The following KLHDC1 variants were observed in gnomAD, a reference collection of about 807,000 sequenced individuals.
KLHDC1 encodes kelch domain containing 1, also known as kelch domain-containing protein 1.
Under a neutral mutation model 68.3 loss-of-function variants are expected in KLHDC1, and 53 were observed. The observed-to-expected ratio is 0.78, with a 90% CI of 0.62 to 0.98. The LOEUF (loss-of-function observed/expected upper bound fraction) is 0.98. KLHDC1 is among the 50% of genes least tolerant of loss of function. The pLI, the probability that KLHDC1 is intolerant of heterozygous loss-of-function variation, is 0.00. For synonymous variants in KLHDC1, 148 were observed against 159.0 expected (o/e 0.93, Z 0.52); for missense variants, 470 against 492.3 (o/e 0.95, Z 0.43).
At chr14:49,710,456 C>A in intron 4 of KLHDC1, 75 bp downstream of exon 4, 1 of 768,396 alleles carries the variant, frequency 1.3e-6, no homozygotes, top group Non-Finnish European at 2.2e-6. Context: ...ATACAGAATG[C>A]TTAAAGGTAT....
At chr14:49,713,827 TATATATA>T (rs1566602839) in intron 4 of KLHDC1, among the ~76,000 whole-genome samples, 136 of 6,246 alleles carry the variant, frequency 0.022, 23 homozygotes, top group East Asian at 0.043. Context: ...TATATATATA[TATATATA>T]TATATATATA....
intron 7 of KLHDC1, among the ~76,000 whole-genome samples, 190 bp from the exon 8 acceptor site, chr14:49,729,300 C>T (rs1036125450): frequency 4.6e-5 from 7 of 151,976 alleles, no homozygotes; most frequent in Non-Finnish European, 1.0e-4. Context: ...TTTTCCTTTC[C>T]CCTTTGACAC....
At chr14:49,732,393 G>A (rs972391409) in intron 8 of KLHDC1, among the ~76,000 whole-genome samples, 1 of 151,952 alleles carries the variant, frequency 6.6e-6, no homozygotes, top group Non-Finnish European at 1.5e-5. Flanking sequence ...GTCTGGTCTC[G>A]AACTCCTGAG....
intron 1 of KLHDC1, among the ~76,000 whole-genome samples, chr14:49,698,924 G>A (rs1887820608): frequency 6.6e-6 from 1 of 151,592 alleles, no homozygotes; most frequent in African/African-American, 2.4e-5. Flanking sequence ...CCAGCACTTT[G>A]GAGGCCGAGG....
At chr14:49,739,897 A>C (rs552478799) in intron 10 of KLHDC1, among the ~76,000 whole-genome samples, 2 of 152,286 alleles carry the variant, frequency 1.3e-5, no homozygotes, top group Non-Finnish European at 2.9e-5. Context: ...ACAGAGAGAG[A>C]GTCATCTCTT....
intron 1 of KLHDC1, among the ~76,000 whole-genome samples, chr14:49,699,465 A>G (rs1346753457): frequency 6.6e-6 from 1 of 152,042 alleles, no homozygotes; most frequent in Non-Finnish European, 1.5e-5. Flanking sequence ...GAGAAAAAGT[A>G]GAATTCTTCT....
chr14:49,734,554 C>G, intron 9 of KLHDC1, 35 bp from the exon 10 acceptor site: 1 of 1,278,572 alleles, frequency 7.8e-7, no homozygotes, highest in East Asian at 2.5e-5. Flanking sequence ...TCCCAGAGAC[C>G]TAATCTTAAT....
chr14:49,713,086 A>G (rs1195483639), intron 4 of KLHDC1, among the ~76,000 whole-genome samples: 2 of 151,632 alleles, frequency 1.3e-5, no homozygotes, highest in East Asian at 3.9e-4. Context: ...AGTAGCTGGA[A>G]CTACGGGCTC....
In KLHDC1 at chr14:49,693,748, C is replaced by CTTTTTTTTTTTTTTTT. The variant is rs1231129663; in HGVS notation, c.96+459_96+474dup. Among the ~76,000 whole-genome samples the CTTTTTTTTTTTTTTTT allele has an allele frequency of 2.2e-3, 134 of 61,540 alleles. 38 individuals are homozygous for CTTTTTTTTTTTTTTTT. Among genetic ancestry groups the CTTTTTTTTTTTTTTTT allele is most frequent in the South Asian group, 3.1e-3 (3 of 956 alleles). The allele number at this position is 61,540 out of a possible 152,430, so 40.4% of individuals were successfully genotyped here. On this transcript the variant is annotated intron_variant, in intron 1 of 12. Transcript: ENST00000359332. ...TAAATATTTATTTTCTTTTCTTTTT[C>CTTTTTTTTTTTTTTTT]TTTTTTTTTTTTTTTTGAGATGGAG...
chr14:49,704,486 C>T (rs1388033168), intron 1 of KLHDC1, among the ~76,000 whole-genome samples: 3 of 149,968 alleles, frequency 2.0e-5, no homozygotes, highest in Non-Finnish European at 4.4e-5. Context: ...CTCTGCCTCC[C>T]AGGCTCAAGC....
chr14:49,731,799 C>A (rs376480237), intron 8 of KLHDC1, among the ~76,000 whole-genome samples: 1 of 152,152 alleles, frequency 6.6e-6, no homozygotes, highest in Non-Finnish European at 1.5e-5. Flanking sequence ...CCTGCCTTGG[C>A]GTCCCAAAGT....
chr14:49,742,672 T>TA lies in KLHDC1; in HGVS notation c.982-1062dup, dbSNP rs373370360. Among the ~76,000 whole-genome samples, 437 of 71,980 alleles carry TA rather than the reference T, an allele frequency of 6.1e-3. 3 individuals carry two copies. The highest frequency in any genetic ancestry group is 0.012 in the East Asian group (29 of 2,396). 47.2% of individuals were successfully genotyped at this position (71,980 alleles called of 152,430 possible). A position where few individuals can be genotyped will look rare whatever the true frequency, so the allele number is the denominator to read the frequency against. On this transcript the variant is annotated intron_variant, in intron 11 of 12. Transcript: ENST00000359332. ...TGGGCAACAGAGCGAGACTCCGTCC[T>TA]AAAAAAAAAAAAAAAAAAAGAGAAT...
intron 4 of KLHDC1, among the ~76,000 whole-genome samples, chr14:49,717,851 A>T (rs1888419948): frequency 6.6e-6 from 1 of 151,878 alleles, no homozygotes. Flanking sequence ...TTATAGGTTT[A>T]TTCAGATTTT....
chr14:49,740,239 A>T, intron 11 of KLHDC1, 57 bp downstream of exon 11: 1 of 963,260 alleles, frequency 1.0e-6, no homozygotes, highest in East Asian at 2.5e-5. Context: ...TTCACACTAA[A>T]TGGCTATTCA....
In KLHDC1 at chr14:49,752,849, G is replaced by T. The variant is rs754873736; in HGVS notation, c.*1077G>T. ...ATTAATTACAATTAATTACTAAAAAGCTTGGTATGTAAAATTATTCTCCAC... is the reference window on the plus strand; with the variant it reads ...ATTAATTACAATTAATTACTAAAAATCTTGGTATGTAAAATTATTCTCCAC... On this transcript the variant is annotated 3_prime_UTR_variant, in exon 13 of 13. Transcript: ENST00000359332. 1 of 152,018 alleles carries T rather than the reference G, an allele frequency of 6.6e-6. No individual in the cohort carries two copies. The highest frequency in any genetic ancestry group is 2.1e-4 in the South Asian group (1 of 4,826). The allele number at this position is 152,018 out of a possible 1,614,324, so 9.4% of individuals were successfully genotyped here. A position where few individuals can be genotyped will look rare whatever the true frequency, so the allele number is the denominator to read the frequency against.
intron 1 of KLHDC1, among the ~76,000 whole-genome samples, chr14:49,694,448 TG>T (rs1182419224): frequency 6.6e-6 from 1 of 152,146 alleles, no homozygotes; most frequent in African/African-American, 2.4e-5. Flanking sequence ...ATACTTCGTA[TG>T]ACTGCAATAA....
At chr14:49,713,798 GTATATATATATA>G (rs1174449263) in intron 4 of KLHDC1, among the ~76,000 whole-genome samples, 58 of 58,324 alleles carry the variant, frequency 9.9e-4, no homozygotes, top group African/African-American at 1.8e-3. Flanking sequence ...GAGGCAGGAG[GTATATATATATA>G]TATATATATA....
At chr14:49,730,887 G>A (rs187708373) in intron 8 of KLHDC1, among the ~76,000 whole-genome samples, 2 of 152,112 alleles carry the variant, frequency 1.3e-5, no homozygotes, top group South Asian at 2.1e-4. Flanking sequence ...CAGGAGAATC[G>A]CTTGAACCCG....
At chr14:49,743,870 G>A in intron 12 of KLHDC1, 65 bp downstream of exon 12, 1 of 944,184 alleles carries the variant, frequency 1.1e-6, no homozygotes. Flanking sequence ...TCTCATTTTT[G>A]GGAAGCATTG....
Sources: gnomAD v4.1 joint callset for allele counts (sites outside exome capture counted in the v4.1 genomes callset) on GRCh38, gnomAD v4.1.1 for gene constraint, MANE v1.5 for transcripts, NCBI Gene and HGNC (gene_info 2026-07-23, HGNC 2026-07-21) for gene names.